The following THADA variants were observed in gnomAD, a reference collection of about 807,000 sequenced individuals.
THADA encodes the protein THADA armadillo repeat containing.
A neutral mutation model predicts 219.8 loss-of-function variants in THADA; 213 were observed. The observed-to-expected ratio is 0.97, with a 90% confidence interval of 0.87 to 1.09. THADA has a LOEUF of 1.09. THADA is among the 50% of genes least tolerant of loss of function. The pLI is 0.00. For synonymous variants in THADA, 1,018 were observed against 828.9 expected, an observed-to-expected ratio of 1.23 and a Z score of -3.92; for missense variants, 2,956 against 2,311.3, an observed-to-expected ratio of 1.28 and a Z score of -5.72.
At chr2:43,431,257 G>A (rs1400482138) in intron 26 of THADA, among the ~76,000 whole-genome samples, 2 of 152,026 alleles carry the variant, frequency 1.3e-5, no homozygotes. Flanking sequence ...GCAAAATGCT[G>A]TGATCAAGTG....
chr2:43,249,029 C>T (rs1669547615), intron 36 of THADA, among the ~76,000 whole-genome samples: 1 of 152,166 alleles, frequency 6.6e-6, no homozygotes, highest in African/African-American at 2.4e-5. Flanking sequence ...ACCTCTCCAT[C>T]CCCACTGCCA....
chr2:43,326,468 T>G (rs1573079584), intron 30 of THADA, among the ~76,000 whole-genome samples: 1 of 152,100 alleles, frequency 6.6e-6, no homozygotes, highest in Non-Finnish European at 1.5e-5. Flanking sequence ...CAGAGGTGGG[T>G]TATTTTTATT....
At chr2:43,285,087 G>C (rs1391412647) in intron 35 of THADA, among the ~76,000 whole-genome samples, 1 of 152,188 alleles carries the variant, frequency 6.6e-6, no homozygotes, top group Admixed American at 6.5e-5. Context: ...GGGTGGAAGG[G>C]AGTTACCCTG....
At chr2:43,490,371 T>C (rs191865195) in intron 25 of THADA, among the ~76,000 whole-genome samples, 132 of 152,328 alleles carry the variant, frequency 8.7e-4, no homozygotes, top group Non-Finnish European at 4.3e-4. Context: ...CAGTACAATG[T>C]TGAATAGGAG....
At chr2:43,251,124 A>G (rs966400343) in intron 36 of THADA, among the ~76,000 whole-genome samples, 1 of 152,196 alleles carries the variant, frequency 6.6e-6, no homozygotes, top group Admixed American at 6.5e-5. Flanking sequence ...CTTTCTGGTA[A>G]TAAAGCAAGA....
chr2:43,489,896 C>CAAAAAAAAAAAAAAAAAA (rs1687418216), intron 25 of THADA, among the ~76,000 whole-genome samples: 1 of 104,528 alleles, frequency 9.6e-6, no homozygotes, highest in African/African-American at 5.0e-5. Flanking sequence ...AAAAAAAAAG[C>CAAAAAAAAAAAAAAAAAA]TAGAAGGGAT....
chr2:43,464,978 G>A (rs1420732993), intron 26 of THADA, among the ~76,000 whole-genome samples: 1 of 152,122 alleles, frequency 6.6e-6, no homozygotes, highest in Non-Finnish European at 1.5e-5. Context: ...TGCCGGCAAA[G>A]ACCCAGAATT....
intron 22 of THADA, among the ~76,000 whole-genome samples, chr2:43,520,778 C>T (rs983900773): frequency 5.9e-5 from 9 of 151,626 alleles, no homozygotes; most frequent in African/African-American, 2.2e-4. Flanking sequence ...AAACGGTTTA[C>T]CAGTTCTCAA....
intron 36 of THADA, among the ~76,000 whole-genome samples, chr2:43,261,216 C>CTTTTTTTTTTTTTTT (rs1181680289): frequency 1.3e-5 from 1 of 77,168 alleles, no homozygotes; most frequent in Admixed American, 1.8e-4. Flanking sequence ...TTGTGCATTT[C>CTTTTTTTTTTTTTTT]TTTTTTTTTT....
intron 36 of THADA, among the ~76,000 whole-genome samples, chr2:43,248,164 T>TATATATATATATAG (rs1669412946): frequency 4.9e-5 from 2 of 40,938 alleles, no homozygotes; most frequent in Admixed American, 6.3e-4. Flanking sequence ...TATATATATA[T>TATATATATATATAG]AGAGAGAGAG....
At chr2:43,439,188 C>A (rs564633259) in intron 26 of THADA, among the ~76,000 whole-genome samples, 36 of 151,966 alleles carry the variant, frequency 2.4e-4, no homozygotes, top group South Asian at 1.0e-3. Context: ...AAATATTAAA[C>A]GGAAAATTCC....
intron 15 of THADA, chr2:43,562,271 T>C (rs192096488): frequency 2.0e-5 from 3 of 152,338 alleles, no homozygotes; most frequent in Non-Finnish European, 4.4e-5. Context: ...TTTGATGAAG[T>C]CTTGCTCTTG....
chr2:43,346,801 G>C (rs1277468245), intron 29 of THADA, among the ~76,000 whole-genome samples: 1 of 152,310 alleles, frequency 6.6e-6, no homozygotes, highest in South Asian at 2.1e-4. Context: ...TAGCTTTCCT[G>C]ACTCTGCCTG....
intron 9 of THADA, 91 bp from the exon 10 acceptor site, chr2:43,577,333 G>GA: frequency 9.8e-7 from 1 of 1,024,738 alleles, no homozygotes; most frequent in Non-Finnish European, 1.4e-6. Flanking sequence ...TCTTTCCCCT[G>GA]AAAAATCCTA....
intron 8 of THADA, among the ~76,000 whole-genome samples, chr2:43,580,194 T>C (rs943542711): frequency 1.7e-5 from 1 of 59,822 alleles, no homozygotes; most frequent in Non-Finnish European, 3.4e-5. Context: ...CCAGCTAATG[T>C]TTTTTTTTGT....
chr2:43,453,755 A>G (rs1410698301), intron 26 of THADA, among the ~76,000 whole-genome samples: 2 of 152,234 alleles, frequency 1.3e-5, no homozygotes, highest in East Asian at 3.8e-4. Flanking sequence ...GACTTTCAAC[A>G]TAGCTGGGAG....
At chr2:43,287,128 G>A in intron 34 of THADA, 67 bp from the exon 35 acceptor site, 1 of 1,486,904 alleles carries the variant, frequency 6.7e-7, no homozygotes, top group East Asian at 2.4e-5. Flanking sequence ...AGAATTAGGG[G>A]TGACCTACAC....
At chr2:43,246,056 T>C (rs1669109384) in intron 36 of THADA, among the ~76,000 whole-genome samples, 3 of 151,926 alleles carry the variant, frequency 2.0e-5, no homozygotes, top group Non-Finnish European at 1.5e-5. Context: ...CCCAGCCTTA[T>C]CTAGAATCCA....
At chr2:43,256,840 A>G (rs1670367107) in intron 36 of THADA, among the ~76,000 whole-genome samples, 1 of 152,040 alleles carries the variant, frequency 6.6e-6, no homozygotes, top group Admixed American at 6.6e-5. Flanking sequence ...CAGCCTCCCA[A>G]AATGCTGGGA....
Sources: gnomAD v4.1 joint callset for allele counts (sites outside exome capture counted in the v4.1 genomes callset) on GRCh38, gnomAD v4.1.1 for gene constraint, MANE v1.5 for transcripts, NCBI Gene and HGNC (gene_info 2026-07-23, HGNC 2026-07-21) for gene names.